The following XIRP2 variants were observed in gnomAD, a reference collection of about 807,000 sequenced individuals.
The protein encoded by XIRP2 is xin actin-binding repeat-containing protein 2.
A neutral mutation model predicts 277.0 loss-of-function variants in XIRP2; 236 were observed. That is an observed-to-expected ratio of 0.85 (90% CI 0.77 to 0.95). The LOEUF is 0.95. Among genes scored for constraint, XIRP2 ranks in the 40% least tolerant of loss-of-function variants. The probability of loss-of-function intolerance (pLI) is 0.00; values close to 1 mark genes in which losing one functional copy is unlikely to be tolerated. For synonymous variants in XIRP2, 1,490 were observed against 1,416.5 expected, an observed-to-expected ratio of 1.05 and a Z score of -1.17; for missense variants, 4,640 against 4,157.5, an observed-to-expected ratio of 1.12 and a Z score of -3.19.
intron 10 of XIRP2, among the ~76,000 whole-genome samples, chr2:167,256,096 C>T (rs1307796821): frequency 2.0e-5 from 3 of 151,374 alleles, no homozygotes; most frequent in African/African-American, 7.3e-5. Flanking sequence ...TGGCATTGGT[C>T]ATTCTTCACT....
In XIRP2 at chr2:166,892,663, T is replaced by C. The variant is rs1001578589; in HGVS notation, c.-19+4106T>C. ...CATCCAGGTCCCCACAGCAAATATG[T>C]TGAGGCTTCTCAGGTTCCCAGAGCT... On this transcript the variant is annotated intron_variant, in intron 1 of 10. Transcript: ENST00000409195. Among the ~76,000 whole-genome samples, 32 of 152,030 alleles carry C rather than the reference T, an allele frequency of 2.1e-4. 1 individual carries two copies. The highest frequency in any genetic ancestry group is 4.4e-5 in the Non-Finnish European group (3 of 68,006).
intron 2 of XIRP2, among the ~76,000 whole-genome samples, chr2:166,956,609 G>T (rs1336721304): frequency 2.0e-5 from 3 of 151,828 alleles, no homozygotes; most frequent in Non-Finnish European, 4.4e-5. Context: ...TATAAAAAAA[G>T]TCCAGGGTTG....
chr2:167,252,276 CAAT>C, intron 9 of XIRP2, among the ~76,000 whole-genome samples: 1 of 152,032 alleles, frequency 6.6e-6, no homozygotes, highest in African/African-American at 2.4e-5. Flanking sequence ...TTATTCTAGA[CAAT>C]AATAAATAAT....
intron 2 of XIRP2, among the ~76,000 whole-genome samples, chr2:167,051,621 A>G (rs1349233408): frequency 6.6e-6 from 1 of 152,120 alleles, no homozygotes; most frequent in Non-Finnish European, 1.5e-5. Flanking sequence ...AAACCTTAAG[A>G]CAATATGTAA....
chr2:167,147,401 C>A (rs1310764195), intron 3 of XIRP2, among the ~76,000 whole-genome samples: 2 of 152,116 alleles, frequency 1.3e-5, no homozygotes, highest in East Asian at 3.9e-4. Context: ...GTACCTGGGG[C>A]ACTTACCCAG....
intron 2 of XIRP2, among the ~76,000 whole-genome samples, chr2:166,980,383 G>T (rs555803282): frequency 6.6e-6 from 1 of 152,060 alleles, no homozygotes; most frequent in African/African-American, 2.4e-5. Flanking sequence ...AACATTTATT[G>T]TAGTTATAAA....
Position 167,239,802 on chromosome 2 carries a change from G to A in XIRP2, c.859-53G>A, listed in dbSNP as rs775972461. On this transcript the variant is annotated intron_variant, in intron 5 of 10. Coordinates refer to ENST00000409195, the MANE Select transcript of XIRP2 (RefSeq NM_152381.6). ...CACTGAAATTGCACAAATAAAAAAAGTTAAAATTTTTACTTTTCTTAAGGC... is the reference window on the plus strand; with the variant it reads ...CACTGAAATTGCACAAATAAAAAAAATTAAAATTTTTACTTTTCTTAAGGC... The A allele has an allele frequency of 4.6e-4, 696 of 1,500,988 alleles. 1 individual carries two copies. The highest frequency in any genetic ancestry group is 5.9e-4 in the Non-Finnish European group (649 of 1,108,556). 93.0% of individuals were successfully genotyped at this position (1,500,988 alleles called of 1,614,324 possible). A position where few individuals can be genotyped will look rare whatever the true frequency, so the allele number is the denominator to read the frequency against.
chr2:166,910,486 A>G (rs1283840810), intron 2 of XIRP2, among the ~76,000 whole-genome samples: 3 of 151,940 alleles, frequency 2.0e-5, no homozygotes, highest in Non-Finnish European at 4.4e-5. Flanking sequence ...TATGGCATCT[A>G]TTTGATTCTT....
chr2:167,222,356 T>G (rs965293505), intron 5 of XIRP2, among the ~76,000 whole-genome samples: 2 of 151,802 alleles, frequency 1.3e-5, no homozygotes, highest in Non-Finnish European at 2.9e-5. Flanking sequence ...AAGGAGAGAG[T>G]TAGGTGGTGG....
intron 2 of XIRP2, among the ~76,000 whole-genome samples, chr2:167,089,536 G>T (rs1574244890): frequency 6.6e-6 from 1 of 152,128 alleles, no homozygotes; most frequent in Non-Finnish European, 1.5e-5. Flanking sequence ...TGAGGGTCAA[G>T]ATTTAATAAA....
chr2:167,009,788 T>C (rs1288045472), intron 2 of XIRP2, among the ~76,000 whole-genome samples: 1 of 152,156 alleles, frequency 6.6e-6, no homozygotes, highest in Middle Eastern at 3.2e-3. Context: ...CTCATTGTGG[T>C]TTTGATTTGC....
intron 2 of XIRP2, among the ~76,000 whole-genome samples, chr2:166,921,871 G>A (rs538794704): frequency 6.6e-6 from 1 of 152,258 alleles, no homozygotes; most frequent in African/African-American, 2.4e-5. Flanking sequence ...ATTGTCCCTT[G>A]CATATGGTCA....
intron 2 of XIRP2, among the ~76,000 whole-genome samples, chr2:166,941,199 G>A (rs1023428456): frequency 6.6e-6 from 1 of 152,166 alleles, no homozygotes; most frequent in African/African-American, 2.4e-5. Context: ...TCAGATTGCT[G>A]TGCGAGCAAT....
chr2:167,087,554 T>A (rs1574242353), intron 2 of XIRP2, among the ~76,000 whole-genome samples: 2 of 152,208 alleles, frequency 1.3e-5, no homozygotes, highest in East Asian at 3.9e-4. Flanking sequence ...GCTGCCGCCT[T>A]GCAGTTTGAT....
At chr2:167,194,461 T>C (rs1023450229) in intron 3 of XIRP2, among the ~76,000 whole-genome samples, 3 of 152,200 alleles carry the variant, frequency 2.0e-5, no homozygotes, top group Admixed American at 2.0e-4. Context: ...CCCTTTCCCC[T>C]TCCTTCGTTT....
intron 5 of XIRP2, among the ~76,000 whole-genome samples, chr2:167,221,591 A>C (rs1293476444): frequency 6.6e-6 from 1 of 152,146 alleles, no homozygotes; most frequent in Non-Finnish European, 1.5e-5. Context: ...ATGTAGAAAA[A>C]CTATGTCTTA....
intron 2 of XIRP2, among the ~76,000 whole-genome samples, chr2:167,129,869 C>CAA (rs11335228): frequency 1.4e-4 from 14 of 96,984 alleles, no homozygotes; most frequent in Non-Finnish European, 2.7e-4. Flanking sequence ...AACTCAGTCT[C>CAA]AAAAAAAAAA....
chr2:167,001,482 A>T (rs1195571683), intron 2 of XIRP2, among the ~76,000 whole-genome samples: 1 of 152,180 alleles, frequency 6.6e-6, no homozygotes, highest in African/African-American at 2.4e-5. Flanking sequence ...TATACACAGT[A>T]AATCTTAAGC....
chr2:167,245,077 G>C lies in XIRP2; in HGVS notation c.3685G>C (p.Glu1229Gln), dbSNP rs1433596396. ...GAAAAAGATCAAAACCTTAAAAACT[G>C]AAGATATTCAGAAAGGCAATGTTTT... ...VLKKIKTLKT[E>Q]DIQKGNVLNC... The change falls in exon 9 of 11, where the codon GAA becomes CAA. Residue 1229 changes from glutamate to glutamine, a missense_variant. Coordinates refer to ENST00000409195, the MANE Select transcript of XIRP2 (RefSeq NM_152381.6). 6.2e-6 allele frequency: 10 copies of C among 1,610,378 alleles called. No homozygotes were observed. Among genetic ancestry groups the C allele is most frequent in the Non-Finnish European group, 7.6e-6 (9 of 1,178,964 alleles).
Sources: gnomAD v4.1 joint callset for allele counts (sites outside exome capture counted in the v4.1 genomes callset) on GRCh38, gnomAD v4.1.1 for gene constraint, MANE v1.5 for transcripts, NCBI Gene and HGNC (gene_info 2026-07-23, HGNC 2026-07-21) for gene names.